The following FARP1 variants were observed in gnomAD, a reference collection of about 807,000 sequenced individuals.
FARP1 encodes FERM, ARHGEF and pleckstrin domain-containing protein 1.
In FARP1, 52 loss-of-function variants were observed where a neutral mutation model predicts 128.8. The observed-to-expected ratio is 0.40, with a 90% CI of 0.32 to 0.51. The LOEUF (loss-of-function observed/expected upper bound fraction) is 0.51, where lower values mean the gene tolerates loss of function less well. Among genes scored for constraint, FARP1 ranks in the 20% least tolerant of loss-of-function variants. FARP1 has a pLI of 0.45. For synonymous variants in FARP1, 580 were observed against 551.8 expected, an observed-to-expected ratio of 1.05 and a Z score of -0.72; for missense variants, 1,333 against 1,367.9, an observed-to-expected ratio of 0.97 and a Z score of 0.40.
chr13:98,395,089 G>GC, intron 12 of FARP1, 138 bp from the exon 13 acceptor site: 1 of 997,008 alleles, frequency 1.0e-6, no homozygotes, highest in East Asian at 2.7e-5. Flanking sequence ...TTGCTGCTAG[G>GC]CCAGAGAGCT....
At chr13:98,146,782 C>A (rs1212814750) in intron 1 of FARP1, among the ~76,000 whole-genome samples, 1 of 152,180 alleles carries the variant, frequency 6.6e-6, no homozygotes, top group Non-Finnish European at 1.5e-5. Flanking sequence ...TTTAGGCTCT[C>A]GTGGCAGTCT....
chr13:98,225,764 TTGC>T (rs1274048973), intron 2 of FARP1, among the ~76,000 whole-genome samples: 4 of 152,240 alleles, frequency 2.6e-5, no homozygotes, highest in African/African-American at 9.6e-5. Flanking sequence ...ACAAGTTGCC[TTGC>T]TTAGCTTCCA....
At chr13:98,390,581 G>T in intron 10 of FARP1, 1 of 510,490 alleles carries the variant, frequency 2.0e-6, no homozygotes, top group Non-Finnish European at 3.5e-6. Flanking sequence ...TTATCAAGTG[G>T]GCTTAGTTAA....
At chr13:98,178,274 C>T (rs1878249222) in intron 1 of FARP1, among the ~76,000 whole-genome samples, 1 of 149,316 alleles carries the variant, frequency 6.7e-6, no homozygotes, top group Non-Finnish European at 1.5e-5. Context: ...CGGCTCACTG[C>T]AACCTCTGCC....
intron 9 of FARP1, chr13:98,389,439 A>G (rs1890222046): frequency 6.5e-6 from 1 of 152,892 alleles, no homozygotes; most frequent in Non-Finnish European, 1.5e-5. Context: ...TTCAGCCAAG[A>G]GTGACACTTT....
intron 2 of FARP1, among the ~76,000 whole-genome samples, chr13:98,243,676 G>C (rs1397716641): frequency 7.7e-6 from 1 of 130,276 alleles, no homozygotes; most frequent in Non-Finnish European, 1.5e-5. Flanking sequence ...CAGCCTGGGC[G>C]ACAGAGAGAG....
intron 2 of FARP1, among the ~76,000 whole-genome samples, chr13:98,247,284 G>A (rs36093366): frequency 1.3e-5 from 2 of 152,278 alleles, no homozygotes; most frequent in South Asian, 4.1e-4. Context: ...AAGACGATGC[G>A]TGCCATCTAC....
chr13:98,399,637 G>T (rs1333418744), intron 13 of FARP1: 1 of 152,088 alleles, frequency 6.6e-6, no homozygotes, highest in Non-Finnish European at 1.5e-5. Context: ...CTAGTGTAGG[G>T]GTCTCCTGAC....
chr13:98,431,330 C>A (rs199700848), intron 18 of FARP1, 50 bp downstream of exon 18: 3 of 1,343,538 alleles, frequency 2.2e-6, no homozygotes, highest in Non-Finnish European at 3.1e-6. Context: ...CAGTTCAGGC[C>A]GGGTGCTCCC....
intron 1 of FARP1, among the ~76,000 whole-genome samples, chr13:98,178,650 T>A (rs1242054020): frequency 6.6e-6 from 1 of 152,224 alleles, no homozygotes; most frequent in African/African-American, 2.4e-5. Flanking sequence ...TTCTATCTCT[T>A]TACTTACTAG....
intron 24 of FARP1, among the ~76,000 whole-genome samples, chr13:98,444,586 A>G (rs879416714): frequency 4.6e-5 from 7 of 151,478 alleles, no homozygotes; most frequent in Non-Finnish European, 1.0e-4. Context: ...GACCCGACAC[A>G]GGGGAGCGGG....
At chr13:98,412,167 T>C (rs1891217504) in intron 16 of FARP1, 133 bp downstream of exon 16, 6 of 822,338 alleles carry the variant, frequency 7.3e-6, no homozygotes, top group Non-Finnish European at 9.7e-6. Flanking sequence ...AAGTCAGCCT[T>C]CAAATGATTT....
At chr13:98,232,162 T>TTTC (rs1882166597) in intron 2 of FARP1, among the ~76,000 whole-genome samples, 1 of 149,202 alleles carries the variant, frequency 6.7e-6, no homozygotes, top group Non-Finnish European at 1.5e-5. Context: ...TTTTTTTTTT[T>TTTC]TTTTGCTTAA....
At chr13:98,371,923 A>C (rs1194199029) in intron 5 of FARP1, among the ~76,000 whole-genome samples, 1 of 152,104 alleles carries the variant, frequency 6.6e-6, no homozygotes, top group Non-Finnish European at 1.5e-5. Context: ...TCTTTTGTTA[A>C]ACAAGAAGCT....
chr13:98,368,121 A>G lies in FARP1; in HGVS notation c.324A>G (p.Pro108=). The G allele has an allele frequency of 3.7e-6, 6 of 1,613,388 alleles. No individual in the cohort carries two copies. The highest frequency in any genetic ancestry group is 4.2e-6 in the Non-Finnish European group (5 of 1,179,442). Residue 108 remains proline (P), a synonymous_variant, in exon 5 of 27, where the codon CCA becomes CCG. Coordinates refer to ENST00000319562, the MANE Select transcript of FARP1 (RefSeq NM_005766.4). ...TCTTTTTTTCTTCTTCTTTAGGGCC[A>G]AAGCACGTTGTTGTTAAGTTTGTGG... is the stretch of plus-strand genomic sequence containing the variant. ...LKPIVKQIRR[P]KHVVVKFVVK...
At chr13:98,391,048 T>G (rs1890285291) in intron 11 of FARP1, among the ~76,000 whole-genome samples, 168 bp downstream of exon 11, 1 of 151,940 alleles carries the variant, frequency 6.6e-6, no homozygotes, top group African/African-American at 2.4e-5. Context: ...AGAGGAAGGT[T>G]TTAGAGCCCA....
chr13:98,227,041 C>G (rs544596247), intron 2 of FARP1, among the ~76,000 whole-genome samples: 4,178 of 152,012 alleles, frequency 0.027, 76 homozygotes, highest in Middle Eastern at 0.051. Flanking sequence ...CCCGGGTTCA[C>G]GTCATTCTCT....
At chr13:98,312,586 C>A (rs677989) in intron 2 of FARP1, among the ~76,000 whole-genome samples, 51,220 of 151,616 alleles carry the variant, frequency 0.34, 9,974 homozygotes, top group Non-Finnish European at 0.43. Flanking sequence ...CATAATGCTT[C>A]CCCCCCCACC....
chr13:98,207,908 C>CCACA (rs71111934), intron 1 of FARP1, among the ~76,000 whole-genome samples: 7,754 of 71,358 alleles, frequency 0.11, 969 homozygotes, highest in East Asian at 0.13. Context: ...ACCACCACCT[C>CCACA]CACACACACA....
Sources: gnomAD v4.1 joint callset for allele counts (sites outside exome capture counted in the v4.1 genomes callset) on GRCh38, gnomAD v4.1.1 for gene constraint, MANE v1.5 for transcripts, NCBI Gene and HGNC (gene_info 2026-07-23, HGNC 2026-07-21) for gene names.